Variants in STIM2 observed in about 807,000 individuals in gnomAD.
STIM2 encodes stromal interaction molecule 2.
Under a neutral mutation model 85.8 loss-of-function variants are expected in STIM2, and 31 were observed. The ratio of observed to expected loss-of-function variants is 0.36; its 90% CI spans 0.27 to 0.49. The LOEUF is 0.49. Among genes scored for constraint, STIM2 ranks in the 20% least tolerant of loss-of-function variants. The pLI, the probability that STIM2 is intolerant of heterozygous loss-of-function variation, is 0.98. For missense variants in STIM2, 841 were observed against 927.6 expected (o/e 0.91, Z 1.21); for synonymous variants, 356 against 331.1 (o/e 1.08, Z -0.82).
At chr4:26,879,126 C>G (rs1464859108) in intron 1 of STIM2, among the ~76,000 whole-genome samples, 3 of 152,174 alleles carry the variant, frequency 2.0e-5, no homozygotes, top group Non-Finnish European at 4.4e-5. Context: ...TGTAAGTAGG[C>G]CAGTAAACTT....
At chr4:26,911,992 T>G (rs1724361520) in intron 1 of STIM2, among the ~76,000 whole-genome samples, 1 of 152,226 alleles carries the variant, frequency 6.6e-6, no homozygotes, top group Admixed American at 6.5e-5. Context: ...CATTATTCAC[T>G]TTCCTTTTGA....
chr4:26,912,372 G>A (rs1724377263), intron 1 of STIM2, among the ~76,000 whole-genome samples: 1 of 152,106 alleles, frequency 6.6e-6, no homozygotes, highest in African/African-American at 2.4e-5. Context: ...AATATTATAG[G>A]AGGGAACCTA....
intron 1 of STIM2, among the ~76,000 whole-genome samples, chr4:26,879,239 C>T (rs1390825010): frequency 6.6e-6 from 1 of 152,086 alleles, no homozygotes; most frequent in Non-Finnish European, 1.5e-5. Context: ...ATAGATCTTC[C>T]ATTTTTGTAT....
intron 2 of STIM2, among the ~76,000 whole-genome samples, chr4:26,922,414 AG>A (rs112997004): frequency 0.26 from 39,288 of 152,008 alleles, 5,110 homozygotes; most frequent in East Asian, 0.41. Flanking sequence ...TGCTCTGTGC[AG>A]TTTTAGATTT....
chr4:27,015,252 A>G (rs1728693358), intron 10 of STIM2, among the ~76,000 whole-genome samples: 2 of 151,952 alleles, frequency 1.3e-5, no homozygotes. Context: ...ACAATTCAGG[A>G]TCTTCAGAGG....
Position 26,860,939 on chromosome 4 carries a change from TTTTA to T in STIM2, c.-279_-276del, listed in dbSNP as rs1219433158. ...TACCCCCCACCTTTTTTTTTTTTTT[TTTTA>T]AATAACCGGAACCAATGAACGCAGC... On this transcript the variant is annotated 5_prime_UTR_variant, in exon 1 of 12. Coordinates refer to ENST00000467087, the MANE Select transcript of STIM2 (RefSeq NM_020860.4). The T allele has an allele frequency of 6.0e-6, 7 of 1,175,866 alleles. No individual in the cohort carries two copies. Among genetic ancestry groups the T allele is most frequent in the South Asian group, 1.6e-5 (1 of 61,948 alleles). The allele number at this position is 1,175,866 out of a possible 1,614,324, so 72.8% of individuals were successfully genotyped here.
intron 2 of STIM2, among the ~76,000 whole-genome samples, chr4:26,921,709 G>C (rs1429444446): frequency 6.6e-6 from 1 of 151,978 alleles, no homozygotes; most frequent in Non-Finnish European, 1.5e-5. Flanking sequence ...TTCTAATCTA[G>C]GTATTTATAA....
intron 2 of STIM2, among the ~76,000 whole-genome samples, chr4:26,923,121 C>T (rs909880969): frequency 1.3e-5 from 2 of 151,212 alleles, no homozygotes; most frequent in African/African-American, 4.9e-5. Flanking sequence ...GGCACACTGA[C>T]ACGTCACACG....
chr4:26,861,047 G>A lies in STIM2; in HGVS notation c.-172G>A. 9 of 1,204,194 alleles carry A rather than the reference G, an allele frequency of 7.5e-6. No homozygotes were observed. Among genetic ancestry groups the A allele is most frequent in the Non-Finnish European group, 8.2e-6 (8 of 970,096 alleles). 74.6% of individuals were successfully genotyped at this position (1,204,194 alleles called of 1,614,324 possible). On this transcript the variant is annotated 5_prime_UTR_variant, in exon 1 of 12. Coordinates refer to ENST00000467087, the MANE Select transcript of STIM2 (RefSeq NM_020860.4). ...GCGGGAGCCCGTGTCTGAGGCGGCG[G>A]GGGCGGCCGGAGGAGTCGCCGGCGG...
intron 1 of STIM2, among the ~76,000 whole-genome samples, chr4:26,877,055 A>G (rs1298721542): frequency 6.6e-6 from 1 of 152,018 alleles, no homozygotes; most frequent in East Asian, 1.9e-4. Context: ...TTAATTTTGG[A>G]AAATCTTGGC....
intron 1 of STIM2, 183 bp downstream of exon 1, chr4:26,861,552 C>A: frequency 1.1e-6 from 1 of 938,014 alleles, no homozygotes; most frequent in Non-Finnish European, 1.4e-6. Flanking sequence ...CTTTTCACCC[C>A]GACACCCCGC....
At chr4:27,015,238 T>G (rs1728692612) in intron 10 of STIM2, among the ~76,000 whole-genome samples, 1 of 152,050 alleles carries the variant, frequency 6.6e-6, no homozygotes, top group African/African-American at 2.4e-5. Context: ...TCTCATTCTC[T>G]TGAACAATTC....
At chr4:26,871,236 T>C (rs1258093027) in intron 1 of STIM2, among the ~76,000 whole-genome samples, 1 of 152,134 alleles carries the variant, frequency 6.6e-6, no homozygotes, top group Non-Finnish European at 1.5e-5. Context: ...TTAGTACATA[T>C]AACAGAAATT....
At chr4:26,959,461 A>G (rs1295157097) in intron 3 of STIM2, among the ~76,000 whole-genome samples, 1 of 151,784 alleles carries the variant, frequency 6.6e-6, no homozygotes, top group Non-Finnish European at 1.5e-5. Flanking sequence ...TTTCTTACTC[A>G]GCTTCACACT....
At chr4:27,011,429 A>T (rs539340315) in intron 10 of STIM2, among the ~76,000 whole-genome samples, 1 of 152,336 alleles carries the variant, frequency 6.6e-6, no homozygotes, top group South Asian at 2.1e-4. Context: ...AACAATGTGC[A>T]ACAAGCATCT....
chr4:26,949,367 C>G (rs1428100058), intron 2 of STIM2, among the ~76,000 whole-genome samples: 3 of 152,102 alleles, frequency 2.0e-5, no homozygotes, highest in African/African-American at 7.2e-5. Context: ...TATTTTATCT[C>G]ACAGTCCTCT....
intron 2 of STIM2, among the ~76,000 whole-genome samples, chr4:26,938,412 G>A (rs1725473805): frequency 6.6e-6 from 1 of 152,052 alleles, no homozygotes; most frequent in Non-Finnish European, 1.5e-5. Context: ...TAATAATACT[G>A]TATCATATAT....
rs144115225 is a variant in STIM2, at chr4:26,888,661, A to G, written c.151+27292A>G. Reference sequence around the variant, plus strand: ...TTCTTTGCCTGTTGGGGTGATCCAAAACTTTGTTCCTGAAGGGTCTGGGCA... The same window carrying G: ...TTCTTTGCCTGTTGGGGTGATCCAAGACTTTGTTCCTGAAGGGTCTGGGCA... On this transcript the variant is annotated intron_variant, in intron 1 of 11. Coordinates refer to ENST00000467087, the MANE Select transcript of STIM2 (RefSeq NM_020860.4). 2.8e-3 allele frequency among the ~76,000 whole-genome samples: 424 copies of G among 152,234 alleles called. 1 individual carries two copies. Among genetic ancestry groups the G allele is most frequent in the South Asian group, 8.5e-3 (41 of 4,822 alleles).
intron 1 of STIM2, 81 bp downstream of exon 1, chr4:26,861,450 C>G: frequency 3.2e-6 from 4 of 1,236,768 alleles, no homozygotes; most frequent in Non-Finnish European, 4.0e-6. Context: ...GCATCTCCGC[C>G]GGACGTCCGC....
Sources: gnomAD v4.1 joint callset for allele counts (sites outside exome capture counted in the v4.1 genomes callset) on GRCh38, gnomAD v4.1.1 for gene constraint, MANE v1.5 for transcripts, NCBI Gene and HGNC (gene_info 2026-07-23, HGNC 2026-07-21) for gene names.